Variants in ACTR3C observed in about 807,000 individuals in gnomAD.
The protein encoded by ACTR3C is actin-related protein 3C.
ACTR3C carries 18 observed loss-of-function variants against 26.3 expected under a neutral mutation model. That is an observed-to-expected ratio of 0.68 (90% CI 0.47 to 1.01). The LOEUF is 1.01. Ranked by LOEUF, ACTR3C falls within the 50% of genes least tolerant of loss-of-function variation. The pLI is 0.00. For missense variants in ACTR3C, 184 were observed against 250.7 expected (o/e 0.73, Z 1.80); for synonymous variants, 55 against 94.5 (o/e 0.58, Z 2.42).
chr7:150,063,715 C>T, the ACTR3C span, among the ~76,000 whole-genome samples: 6 of 151,872 alleles, frequency 4.0e-5, no homozygotes, highest in African/African-American at 1.5e-4. Flanking sequence ...TTCTTAATTT[C>T]CTTTTGCCTT....
At chr7:149,969,129 T>C in the ACTR3C span, among the ~76,000 whole-genome samples, 2 of 152,146 alleles carry the variant, frequency 1.3e-5, no homozygotes, top group Non-Finnish European at 2.9e-5. Context: ...GAAAGCAGCT[T>C]GTGAAATGAG....
chr7:149,987,291 C>G, the ACTR3C span, among the ~76,000 whole-genome samples: 1 of 152,090 alleles, frequency 6.6e-6, no homozygotes, highest in African/African-American at 2.4e-5. Context: ...AGCGGCCAGG[C>G]GCTGTGGCTC....
At chr7:150,244,120 AAT>A (rs1400341070), downstream of ACTR3C, 1 of 138,394 alleles carries the variant, frequency 7.2e-6, no homozygotes, top group Non-Finnish European at 1.5e-5. Flanking sequence ...TTGAATATTC[AAT>A]ATAGTCTTAG....
chr7:149,888,899 T>G, the ACTR3C span, among the ~76,000 whole-genome samples: 1 of 151,876 alleles, frequency 6.6e-6, no homozygotes, highest in Non-Finnish European at 1.5e-5. Context: ...TCCCAGCTAC[T>G]TGGGAGGCTG....
At chr7:150,227,259 T>C in the ACTR3C span, among the ~76,000 whole-genome samples, 5 of 151,624 alleles carry the variant, frequency 3.3e-5, no homozygotes, top group Non-Finnish European at 2.9e-5. Context: ...AAGGGAGACT[T>C]GGTACCCTTT....
chr7:150,302,868 G>A (rs1034050088), intron 1 of ACTR3C: 7 of 152,150 alleles, frequency 4.6e-5, no homozygotes, highest in African/African-American at 1.7e-4. Context: ...TGCCAAGCAG[G>A]AGACGCAGCA....
chr7:149,980,854 TTTTACATTTGAC>T, the ACTR3C span, among the ~76,000 whole-genome samples: 2 of 152,200 alleles, frequency 1.3e-5, no homozygotes, highest in Non-Finnish European at 2.9e-5. Flanking sequence ...ACATATTTGA[TTTTACATTTGAC>T]TTTATAACTA....
chr7:149,894,385 T>C, the ACTR3C span, among the ~76,000 whole-genome samples: 4 of 152,174 alleles, frequency 2.6e-5, no homozygotes, highest in Non-Finnish European at 5.9e-5. Context: ...CAAAAATAGA[T>C]AACTGGAATT....
At chr7:149,905,676 A>C in the ACTR3C span, among the ~76,000 whole-genome samples, 1 of 150,060 alleles carries the variant, frequency 6.7e-6, no homozygotes, top group Non-Finnish European at 1.5e-5. Context: ...CAAAGATATG[A>C]ACAGGTAATG....
the ACTR3C span, among the ~76,000 whole-genome samples, chr7:150,198,337 G>T: frequency 2.0e-5 from 3 of 148,846 alleles, no homozygotes; most frequent in Non-Finnish European, 4.4e-5. Context: ...TCTCTGCCTG[G>T]CTGCCCAGTC....
the ACTR3C span, among the ~76,000 whole-genome samples, chr7:149,882,569 G>T: frequency 2.0e-5 from 3 of 152,174 alleles, no homozygotes; most frequent in African/African-American, 7.2e-5. Flanking sequence ...CCACTCCCTG[G>T]CACGATCTGG....
the ACTR3C span, among the ~76,000 whole-genome samples, chr7:149,955,056 C>T: frequency 1.3e-5 from 2 of 152,216 alleles, no homozygotes; most frequent in Admixed American, 6.5e-5. Flanking sequence ...AGCTACACTT[C>T]CTTCCTGACT....
At chr7:150,037,555 G>A in the ACTR3C span, among the ~76,000 whole-genome samples, 17 of 53,534 alleles carry the variant, frequency 3.2e-4, 5 homozygotes, top group Non-Finnish European at 6.1e-4. Flanking sequence ...CCCCTCGTGC[G>A]ATGGGGGTCC....
At chr7:150,076,204 T>C in the ACTR3C span, among the ~76,000 whole-genome samples, 9 of 150,306 alleles carry the variant, frequency 6.0e-5, no homozygotes, top group Non-Finnish European at 1.0e-4. Flanking sequence ...CCAATGAGTA[T>C]TGACATAACA....
chr7:150,112,577 T>C, the ACTR3C span, among the ~76,000 whole-genome samples: 1 of 152,066 alleles, frequency 6.6e-6, no homozygotes, highest in Non-Finnish European at 1.5e-5. Context: ...GGCTGGGAAG[T>C]GGAGCAAAAG....
At chr7:150,033,727 G>A in the ACTR3C span, among the ~76,000 whole-genome samples, 9,096 of 120,318 alleles carry the variant, frequency 0.076, no homozygotes, top group African/African-American at 0.15. Flanking sequence ...GGGCGGAAGA[G>A]GGGATAGCTC....
At chr7:150,195,166 C>T in the ACTR3C span, among the ~76,000 whole-genome samples, 1 of 149,574 alleles carries the variant, frequency 6.7e-6, no homozygotes, top group East Asian at 1.9e-4. Flanking sequence ...AGGATCACAA[C>T]AATGTATGCT....
intron 1 of ACTR3C, among the ~76,000 whole-genome samples, chr7:150,297,085 G>A (rs920062735): frequency 1.3e-4 from 20 of 151,808 alleles, no homozygotes; most frequent in Admixed American, 3.9e-4. Context: ...ACACCCCTAC[G>A]ACAGGGAAAG....
chr7:150,127,906 A>G, the ACTR3C span, among the ~76,000 whole-genome samples: 5 of 151,780 alleles, frequency 3.3e-5, no homozygotes, highest in Non-Finnish European at 7.4e-5. Flanking sequence ...CCTCTTTTTA[A>G]ATAAATTCCT....
Sources: allele counts gnomAD v4.1 joint callset (sites outside exome capture counted in the v4.1 genomes callset), GRCh38; gene constraint gnomAD v4.1.1; transcripts MANE v1.5; gene names NCBI Gene and HGNC (gene_info 2026-07-23, HGNC 2026-07-21).